The following DLGAP1 variants were observed in gnomAD, a reference collection of about 807,000 sequenced individuals.
DLGAP1 encodes the protein DLG associated protein 1, also known as disks large-associated protein 1.
A neutral mutation model predicts 90.8 loss-of-function variants in DLGAP1; 11 were observed. The ratio of observed to expected loss-of-function variants is 0.12; its 90% CI spans 0.08 to 0.20. The LOEUF (loss-of-function observed/expected upper bound fraction) is 0.20, where lower values mean the gene tolerates loss of function less well. Among genes scored for constraint, DLGAP1 ranks in the 10% least tolerant of loss-of-function variants. The probability of loss-of-function intolerance (pLI) is 1.00; values close to 1 mark genes in which losing one functional copy is unlikely to be tolerated. For synonymous variants in DLGAP1, 558 were observed against 540.7 expected (o/e 1.03, Z -0.44); for missense variants, 1,050 against 1,333.8 (o/e 0.79, Z 3.31).
chr18:3,719,137 A>C (rs1200824682), intron 7 of DLGAP1, among the ~76,000 whole-genome samples: 1 of 152,136 alleles, frequency 6.6e-6, no homozygotes, highest in Admixed American at 6.6e-5. Flanking sequence ...GAGAGGGCAA[A>C]GAGACTTGAA....
intron 1 of DLGAP1, among the ~76,000 whole-genome samples, chr18:4,327,248 G>A (rs578814): frequency 0.3 from 45,255 of 151,712 alleles, 6,859 homozygotes; most frequent in East Asian, 0.34. Flanking sequence ...TAGTATGTGA[G>A]GTAATGGATA....
intron 7 of DLGAP1, among the ~76,000 whole-genome samples, chr18:3,663,139 T>G (rs751052976): frequency 2.6e-4 from 39 of 151,954 alleles, no homozygotes; most frequent in Admixed American, 1.0e-3. Flanking sequence ...GGTGTGGTGG[T>G]GCATGCCTGT....
At chr18:3,669,059 A>T (rs975818513) in intron 7 of DLGAP1, among the ~76,000 whole-genome samples, 2 of 149,946 alleles carry the variant, frequency 1.3e-5, no homozygotes, top group African/African-American at 4.9e-5. Flanking sequence ...TTCGTACAGC[A>T]TCTTTGAACA....
intron 2 of DLGAP1, among the ~76,000 whole-genome samples, chr18:4,070,165 TAG>T (rs1456353182): frequency 6.6e-6 from 1 of 152,120 alleles, no homozygotes; most frequent in Non-Finnish European, 1.5e-5. Context: ...GTATTTTTAG[TAG>T]AGATAGGGTT....
chr18:3,712,991 T>C (rs566988300), intron 7 of DLGAP1, among the ~76,000 whole-genome samples: 1 of 152,194 alleles, frequency 6.6e-6, no homozygotes, highest in Non-Finnish European at 1.5e-5. Context: ...CAGTGAATAT[T>C]TGCAAAAGCT....
At chr18:3,857,575 G>C (rs2069728694) in intron 4 of DLGAP1, among the ~76,000 whole-genome samples, 2 of 152,132 alleles carry the variant, frequency 1.3e-5, no homozygotes, top group South Asian at 4.2e-4. Context: ...ACCACTCCTT[G>C]GTAGTTGACT....
chr18:3,821,742 G>T, intron 4 of DLGAP1: 1 of 216,560 alleles, frequency 4.6e-6, no homozygotes, highest in Non-Finnish European at 7.9e-6. Flanking sequence ...AGGGTGGCTT[G>T]GGAGCCTTGA....
At chr18:3,567,941 C>T (rs544938288) in intron 8 of DLGAP1, among the ~76,000 whole-genome samples, 2 of 152,112 alleles carry the variant, frequency 1.3e-5, no homozygotes, top group African/African-American at 4.8e-5. Context: ...CTCTGTCGCC[C>T]GGGCTGGAGT....
At chr18:3,634,252 ATAT>A (rs1231303289) in intron 7 of DLGAP1, among the ~76,000 whole-genome samples, 2 of 152,066 alleles carry the variant, frequency 1.3e-5, no homozygotes, top group African/African-American at 2.4e-5. Flanking sequence ...TTTTTTGCAT[ATAT>A]TAAAGAAAAA....
At chr18:3,728,315 TATATATATATATAC>T (rs1168953013) in intron 7 of DLGAP1, among the ~76,000 whole-genome samples, 9 of 128,908 alleles carry the variant, frequency 7.0e-5, no homozygotes, top group African/African-American at 2.5e-4. Flanking sequence ...TATATATATA[TATATATATATATAC>T]ATGTTTCATA....
At chr18:3,755,940 A>G (rs938315227) in intron 5 of DLGAP1, among the ~76,000 whole-genome samples, 1 of 152,228 alleles carries the variant, frequency 6.6e-6, no homozygotes, top group African/African-American at 2.4e-5. Context: ...AATAAATTTT[A>G]GAAGATTGAA....
intron 1 of DLGAP1, among the ~76,000 whole-genome samples, chr18:4,369,644 C>T (rs966361973): frequency 3.3e-5 from 5 of 151,706 alleles, no homozygotes; most frequent in African/African-American, 7.3e-5. Flanking sequence ...GTTTGACAGA[C>T]AGATGGGCCC....
At chr18:4,095,012 G>T (rs528356018) in intron 2 of DLGAP1, among the ~76,000 whole-genome samples, 1 of 152,058 alleles carries the variant, frequency 6.6e-6, no homozygotes, top group Non-Finnish European at 1.5e-5. Flanking sequence ...CCTTCTTCCC[G>T]TTCATTCAGT....
At chr18:4,371,552 G>C (rs1377277864) in intron 1 of DLGAP1, among the ~76,000 whole-genome samples, 1 of 152,128 alleles carries the variant, frequency 6.6e-6, no homozygotes, top group Non-Finnish European at 1.5e-5. Flanking sequence ...GCTCTATTTA[G>C]GACTGCCCTA....
intron 3 of DLGAP1, among the ~76,000 whole-genome samples, chr18:3,895,358 T>C (rs754738278): frequency 1.3e-5 from 2 of 151,084 alleles, no homozygotes; most frequent in Non-Finnish European, 2.9e-5. Context: ...TAAACCACTT[T>C]AATCTCTCGT....
intron 1 of DLGAP1, among the ~76,000 whole-genome samples, chr18:4,299,377 G>GT (rs2080069457): frequency 1.3e-5 from 2 of 151,686 alleles, no homozygotes; most frequent in Non-Finnish European, 2.9e-5. Context: ...ACTTTCATGT[G>GT]TTTGATTTTT....
At chr18:3,777,224 T>C (rs1212057918) in intron 5 of DLGAP1, among the ~76,000 whole-genome samples, 2 of 152,208 alleles carry the variant, frequency 1.3e-5, no homozygotes, top group Non-Finnish European at 2.9e-5. Flanking sequence ...CATTCATAGG[T>C]ATGGCTGGGG....
intron 2 of DLGAP1, among the ~76,000 whole-genome samples, chr18:4,053,635 C>A (rs2075169472): frequency 6.6e-6 from 1 of 152,190 alleles, no homozygotes; most frequent in African/African-American, 2.4e-5. Context: ...GAGGTGCCTG[C>A]TTCCCCTTCA....
intron 8 of DLGAP1, chr18:3,580,367 G>C: frequency 6.2e-7 from 1 of 1,613,884 alleles, no homozygotes; most frequent in South Asian, 1.1e-5. Flanking sequence ...CTCGGGGCTC[G>C]AATTTCAGAG....
Sources: allele counts gnomAD v4.1 joint callset (sites outside exome capture counted in the v4.1 genomes callset), GRCh38; gene constraint gnomAD v4.1.1; transcripts MANE v1.5; gene names NCBI Gene and HGNC (gene_info 2026-07-23, HGNC 2026-07-21).